TANC2: variants seen among roughly 807,000 people sequenced by gnomAD.
TANC2 encodes tetratricopeptide repeat, ankyrin repeat and coiled-coil containing 2, also known as protein TANC2.
Under a neutral mutation model 210.5 loss-of-function variants are expected in TANC2, and 26 were observed. The ratio of observed to expected loss-of-function variants is 0.12; its 90% CI spans 0.09 to 0.17. TANC2 has a LOEUF of 0.17. Among genes scored for constraint, TANC2 ranks in the 10% least tolerant of loss-of-function variants. The pLI is 1.00. For synonymous variants in TANC2, 931 were observed against 967.1 expected, an observed-to-expected ratio of 0.96 and a Z score of 0.69; for missense variants, 2,129 against 2,608.9, an observed-to-expected ratio of 0.82 and a Z score of 4.01.
chr17:63,004,131 T>G (rs746917968), intron 1 of TANC2, among the ~76,000 whole-genome samples: 7 of 152,204 alleles, frequency 4.6e-5, no homozygotes, highest in African/African-American at 7.2e-5. Context: ...TTAGCTGTTG[T>G]TTAACAACTT....
intron 5 of TANC2, among the ~76,000 whole-genome samples, chr17:63,167,596 A>T (rs190020795): frequency 2.0e-5 from 3 of 152,196 alleles, no homozygotes; most frequent in Non-Finnish European, 4.4e-5. Flanking sequence ...CTACACTTAC[A>T]TACAAAATTT....
chr17:63,129,455 G>A (rs1366889483), intron 4 of TANC2, among the ~76,000 whole-genome samples: 1 of 152,206 alleles, frequency 6.6e-6, no homozygotes, highest in Non-Finnish European at 1.5e-5. Flanking sequence ...AGAATGTTAT[G>A]AAGATGAACA....
intron 12 of TANC2, among the ~76,000 whole-genome samples, chr17:63,342,171 T>A (rs966089252): frequency 2.6e-5 from 4 of 152,068 alleles, no homozygotes; most frequent in Non-Finnish European, 5.9e-5. Context: ...TTTTTCAAAA[T>A]ATATATATGT....
chr17:63,418,187 A>G lies in TANC2; in HGVS notation c.4168-120A>G, dbSNP rs2048923325. ...GGCTTGAGCCATGTCAGGCACGTCT[A>G]GCGTCCCAGGCGTTCCATCCATGAA... On this transcript the variant is annotated intron_variant, in intron 26 of 27. Coordinates refer to ENST00000689528, the Ensembl canonical transcript of TANC2. This position sits in a 1 kb window ranked among gnomAD's most constrained non-coding sequence, Gnocchi z 4.6. The G allele has an allele frequency of 9.9e-7, 1 of 1,012,552 alleles. No individual in the cohort carries two copies. Among genetic ancestry groups the G allele is most frequent in the Non-Finnish European group, 1.5e-6 (1 of 686,474 alleles). 62.7% of individuals were successfully genotyped at this position (1,012,552 alleles called of 1,614,324 possible).
intron 4 of TANC2, among the ~76,000 whole-genome samples, chr17:63,130,280 G>A (rs770460337): frequency 2.0e-5 from 3 of 152,108 alleles, no homozygotes; most frequent in Non-Finnish European, 4.4e-5. Context: ...AGGCCAAGCC[G>A]GGTGGATTGC....
At chr17:63,187,551 T>TTA (rs983241269) in intron 5 of TANC2, among the ~76,000 whole-genome samples, 87 of 151,104 alleles carry the variant, frequency 5.8e-4, no homozygotes, top group South Asian at 1.3e-3. Flanking sequence ...ATTATGTTTT[T>TTA]TATATATATA....
chr17:63,383,172 C>T (rs2047667873), intron 15 of TANC2, among the ~76,000 whole-genome samples: 2 of 152,194 alleles, frequency 1.3e-5, no homozygotes, highest in African/African-American at 2.4e-5. Flanking sequence ...TGATGTGGTA[C>T]ATTTGTTACA....
At chr17:63,004,362 C>T (rs992612097) in intron 1 of TANC2, among the ~76,000 whole-genome samples, 4 of 151,980 alleles carry the variant, frequency 2.6e-5, no homozygotes, top group African/African-American at 7.3e-5. Flanking sequence ...GAGAAGAGGA[C>T]GTAAGAATGA....
intron 15 of TANC2, 29 bp downstream of exon 15, chr17:63,379,855 C>T (rs778146101): frequency 5.7e-6 from 9 of 1,568,008 alleles, no homozygotes; most frequent in East Asian, 4.5e-5. Context: ...ACCATTTTTC[C>T]GCCATCTCTA....
chr17:63,244,079 T>C (rs2042850836), intron 8 of TANC2, among the ~76,000 whole-genome samples: 1 of 151,994 alleles, frequency 6.6e-6, no homozygotes, highest in Non-Finnish European at 1.5e-5. Context: ...TGAGCAGGAG[T>C]ATCATTGTGG....
chr17:63,235,961 A>G (rs1028539525), intron 7 of TANC2, among the ~76,000 whole-genome samples: 4 of 152,046 alleles, frequency 2.6e-5, no homozygotes, highest in Non-Finnish European at 5.9e-5. Context: ...CTTTCAGTTT[A>G]TTTTATTAAG....
intron 4 of TANC2, among the ~76,000 whole-genome samples, chr17:63,105,541 A>G (rs930386628): frequency 6.6e-6 from 1 of 151,740 alleles, no homozygotes; most frequent in Non-Finnish European, 1.5e-5. Context: ...CTAGAATTCA[A>G]GATGTACTGT....
chr17:63,356,961 G>A (rs557902979), intron 14 of TANC2, among the ~76,000 whole-genome samples: 147 of 152,140 alleles, frequency 9.7e-4, no homozygotes, highest in Admixed American at 3.5e-3. Flanking sequence ...GTGGCTAATC[G>A]GATAGCGACA....
chr17:63,188,242 C>T (rs1359364888), intron 5 of TANC2, among the ~76,000 whole-genome samples: 1 of 151,296 alleles, frequency 6.6e-6, no homozygotes, highest in Non-Finnish European at 1.5e-5. Flanking sequence ...TTTGAGAGGA[C>T]CACCTGAGCT....
chr17:63,019,865 A>G (rs1206536370), intron 2 of TANC2, among the ~76,000 whole-genome samples: 3 of 152,160 alleles, frequency 2.0e-5, no homozygotes, highest in Non-Finnish European at 4.4e-5. Flanking sequence ...TATATATTCT[A>G]GCCTTTGTCA....
chr17:63,156,248 C>G (rs570338068), intron 5 of TANC2, among the ~76,000 whole-genome samples: 1 of 151,966 alleles, frequency 6.6e-6, no homozygotes, highest in East Asian at 1.9e-4. Context: ...GAATTTTTAA[C>G]CTGAGTAAAA....
At chr17:63,008,790 G>A (rs982312229) in intron 1 of TANC2, among the ~76,000 whole-genome samples, 2 of 147,780 alleles carry the variant, frequency 1.4e-5, no homozygotes, top group South Asian at 4.3e-4. Context: ...ATGGAATTCT[G>A]GCTTGACCAG....
At chr17:63,019,702 G>A (rs1399539547) in intron 2 of TANC2, among the ~76,000 whole-genome samples, 1 of 152,122 alleles carries the variant, frequency 6.6e-6, no homozygotes, top group East Asian at 1.9e-4. Flanking sequence ...TACTCATTGA[G>A]TGATTTTCAT....
At chr17:63,193,066 C>T (rs1470458983) in intron 5 of TANC2, among the ~76,000 whole-genome samples, 1 of 152,236 alleles carries the variant, frequency 6.6e-6, no homozygotes, top group East Asian at 1.9e-4. Context: ...AAGTGTTACT[C>T]ATTAATTTGA....
Sources: gnomAD v4.1 joint callset for allele counts (sites outside exome capture counted in the v4.1 genomes callset) on GRCh38, gnomAD v4.1.1 for gene constraint, Gnocchi (gnomAD v3.1) non-coding constraint, MANE v1.5 for transcripts, NCBI Gene and HGNC (gene_info 2026-07-23, HGNC 2026-07-21) for gene names.